TYW1B: variants seen among roughly 807,000 people sequenced by gnomAD.
The protein encoded by TYW1B is tRNA-yW synthesizing protein 1 homolog B, also known as S-adenosyl-L-methionine-dependent tRNA 4-demethylwyosine synthase TYW1B.
TYW1B carries 73 observed loss-of-function variants against 86.9 expected under a neutral mutation model. That is an observed-to-expected ratio of 0.84 (90% CI 0.70 to 1.02). The LOEUF (loss-of-function observed/expected upper bound fraction) is 1.02. Among genes scored for constraint, TYW1B ranks in the 50% least tolerant of loss-of-function variants. The pLI is 0.00. For synonymous variants in TYW1B, 248 were observed against 292.8 expected, an observed-to-expected ratio of 0.85 and a Z score of 1.56; for missense variants, 637 against 827.4, an observed-to-expected ratio of 0.77 and a Z score of 2.82.
chr7:72,635,566 G>A (rs143663686), intron 11 of TYW1B, among the ~76,000 whole-genome samples: 7 of 152,150 alleles, frequency 4.6e-5, no homozygotes, highest in Non-Finnish European at 8.8e-5. Flanking sequence ...TGGTGCCAAC[G>A]TTGAAAAATC....
chr7:72,804,244 C>T (rs1691317276), intron 5 of TYW1B, among the ~76,000 whole-genome samples: 2 of 150,596 alleles, frequency 1.3e-5, no homozygotes, highest in African/African-American at 4.9e-5. Flanking sequence ...GAGATCGTGA[C>T]CCTGCACTCC....
chr7:72,581,610 C>T (rs1411648037), intron 13 of TYW1B, among the ~76,000 whole-genome samples: 4 of 151,934 alleles, frequency 2.6e-5, no homozygotes, highest in African/African-American at 9.7e-5. Flanking sequence ...AGGTGTGCAC[C>T]ACCATACCCA....
At chr7:72,678,233 T>A (rs2844206) in intron 11 of TYW1B, among the ~76,000 whole-genome samples, 1 of 152,108 alleles carries the variant, frequency 6.6e-6, no homozygotes, top group African/African-American at 2.4e-5. Context: ...GCAAGTCTGG[T>A]GCTGATGCTG....
chr7:72,654,086 G>GAA lies in TYW1B; in HGVS notation c.1507-25091_1507-25090dup, dbSNP rs56251020. ...CAGAGCAAGGCTCCATCACAAAAAA[G>GAA]AAAAAAAAAAAAAAAAAATCCTCAG... is the stretch of plus-strand genomic sequence containing the variant. On this transcript the variant is annotated intron_variant, in intron 11 of 13. Transcript: ENST00000620995. Among the ~76,000 whole-genome samples, 829 of 118,594 alleles carry GAA rather than the reference G, an allele frequency of 7.0e-3. 8 individuals are homozygous for GAA. Among genetic ancestry groups the GAA allele is most frequent in the African/African-American group, 0.022 (728 of 33,152 alleles). The allele number at this position is 118,594 out of a possible 152,430, so 77.8% of individuals were successfully genotyped here.
At chr7:72,587,744 G>A (rs1184495464) in intron 13 of TYW1B, among the ~76,000 whole-genome samples, 39 of 152,100 alleles carry the variant, frequency 2.6e-4, no homozygotes, top group African/African-American at 8.2e-4. Context: ...AAACGCCATC[G>A]GGTCCCTAGC....
chr7:72,727,741 G>A (rs1165885564), intron 9 of TYW1B, among the ~76,000 whole-genome samples: 1 of 144,878 alleles, frequency 6.9e-6, no homozygotes, highest in African/African-American at 2.6e-5. Flanking sequence ...CTGAGCCTGG[G>A]AAGTGAAGGT....
chr7:72,760,892 A>T (rs1408132005), intron 7 of TYW1B, among the ~76,000 whole-genome samples: 1 of 152,312 alleles, frequency 6.6e-6, no homozygotes, highest in East Asian at 1.9e-4. Flanking sequence ...TTTGATACAT[A>T]GGACTAAGTT....
chr7:72,669,390 C>T (rs1554445923), intron 11 of TYW1B, among the ~76,000 whole-genome samples: 1 of 151,956 alleles, frequency 6.6e-6, no homozygotes, highest in Admixed American at 6.6e-5. Context: ...AGGTGATCCA[C>T]CCACCTCAGC....
chr7:72,819,192 A>T (rs1319901224), intron 2 of TYW1B, among the ~76,000 whole-genome samples: 1 of 152,080 alleles, frequency 6.6e-6, no homozygotes, highest in Non-Finnish European at 1.5e-5. Context: ...GAGAGTTAAC[A>T]AAGAGCCACA....
At chr7:72,814,367 G>A (rs376706579) in intron 3 of TYW1B, among the ~76,000 whole-genome samples, 2 of 151,350 alleles carry the variant, frequency 1.3e-5, no homozygotes, top group East Asian at 2.0e-4. Context: ...GGCGGATCAC[G>A]AGGTCAGGAG....
intron 13 of TYW1B, among the ~76,000 whole-genome samples, chr7:72,607,379 G>C (rs1307589854): frequency 2.3e-5 from 3 of 132,172 alleles, no homozygotes; most frequent in Non-Finnish European, 4.7e-5. Flanking sequence ...ATGACAGAGT[G>C]AGATTCTGTC....
rs143084742 is a variant in TYW1B, at chr7:72,806,216, G to A, written c.723+850C>T. On this transcript the variant is annotated intron_variant, in intron 5 of 13. Transcript: ENST00000620995. The stretch of plus-strand genomic sequence containing the variant: ...TAACAATGCAAGGATTAAAGAAGAC[G>A]TTTTGGTTGTGTGTGTGTGGGTTTT... 2.9e-3 allele frequency among the ~76,000 whole-genome samples: 424 copies of A among 145,604 alleles called. 3 individuals are homozygous for A. The highest frequency in any genetic ancestry group is 0.01 in the African/African-American group (408 of 39,472).
intron 3 of TYW1B, among the ~76,000 whole-genome samples, chr7:72,811,906 G>A (rs190292503): frequency 1.2e-4 from 14 of 116,304 alleles, no homozygotes; most frequent in Non-Finnish European, 1.5e-4. Flanking sequence ...GCAACGAAGC[G>A]AAGACTCCAT....
chr7:72,803,532 T>G (rs1563099496), intron 5 of TYW1B, among the ~76,000 whole-genome samples: 1 of 152,340 alleles, frequency 6.6e-6, no homozygotes, highest in East Asian at 1.9e-4. Context: ...GTAGAGAAGT[T>G]AAGAAATCAC....
chr7:72,626,909 G>A (rs1195778768), intron 12 of TYW1B, among the ~76,000 whole-genome samples: 13 of 151,626 alleles, frequency 8.6e-5, no homozygotes, highest in African/African-American at 2.4e-4. Flanking sequence ...CCAGCTTCAC[G>A]CCCTTTCCTA....
intron 11 of TYW1B, among the ~76,000 whole-genome samples, chr7:72,660,069 T>C (rs1310611634): frequency 2.0e-5 from 3 of 152,122 alleles, no homozygotes; most frequent in African/African-American, 7.2e-5. Flanking sequence ...ACAGACAATA[T>C]GTAAACAAGA....
intron 11 of TYW1B, among the ~76,000 whole-genome samples, chr7:72,633,032 A>T (rs1315042059): frequency 6.6e-6 from 1 of 152,128 alleles, no homozygotes; most frequent in African/African-American, 2.4e-5. Context: ...GAACCAGCAG[A>T]TGGTCACTAA....
chr7:72,645,617 G>C (rs1179865128), intron 11 of TYW1B, among the ~76,000 whole-genome samples: 1 of 152,152 alleles, frequency 6.6e-6, no homozygotes, highest in Non-Finnish European at 1.5e-5. Context: ...GTGAATTACA[G>C]CTGCACACAT....
At chr7:72,616,642 C>A (rs1554436903) in intron 13 of TYW1B, 30 bp downstream of exon 13, 4 of 1,613,836 alleles carry the variant, frequency 2.5e-6, no homozygotes, top group Non-Finnish European at 3.4e-6. Flanking sequence ...GGTCAGGGAA[C>A]AGAAGATTCC....
Sources: allele counts gnomAD v4.1 joint callset (sites outside exome capture counted in the v4.1 genomes callset), GRCh38; gene constraint gnomAD v4.1.1; transcripts MANE v1.5; gene names NCBI Gene and HGNC (gene_info 2026-07-23, HGNC 2026-07-21).